The following CLDN10 variants were observed in gnomAD, a reference collection of about 807,000 sequenced individuals.
CLDN10 encodes claudin 10, also known as claudin-10.
Under a neutral mutation model 22.9 loss-of-function variants are expected in CLDN10, and 15 were observed. The ratio of observed to expected loss-of-function variants is 0.65; its 90% CI spans 0.44 to 1.01. The LOEUF (loss-of-function observed/expected upper bound fraction) is 1.01. CLDN10 is among the 50% of genes least tolerant of loss of function. CLDN10 has a pLI of 0.00. For missense variants in CLDN10, 247 were observed against 287.8 expected (o/e 0.86, Z 1.03); for synonymous variants, 114 against 111.4 (o/e 1.02, Z -0.15).
rs1312396470 is a variant in CLDN10 at position 95,578,378 on chromosome 13, A to AT, written c.*365dup. 1.3e-5 allele frequency: 2 copies of AT among 159,330 alleles called. No homozygotes were observed. Among genetic ancestry groups the AT allele is most frequent in the African/African-American group, 4.8e-5 (2 of 41,574 alleles). 9.9% of individuals were successfully genotyped at this position (159,330 alleles called of 1,614,324 possible). On this transcript the variant is annotated 3_prime_UTR_variant, in exon 5 of 5. Coordinates refer to ENST00000299339, the MANE Select transcript of CLDN10 (RefSeq NM_006984.5). ...CCACTCCTTATGTTTCTTTTCATTC[A>AT]TAAACAGGTGTATAAGGAACAATGT... is the stretch of plus-strand genomic sequence containing the variant.
intron 1 of CLDN10, among the ~76,000 whole-genome samples, chr13:95,448,557 G>A (rs2042403160): frequency 6.6e-6 from 1 of 152,052 alleles, no homozygotes; most frequent in Non-Finnish European, 1.5e-5. Flanking sequence ...GAAAGAGCTG[G>A]GGATGGCTGC....
At chr13:95,497,043 G>A (rs543681044) in intron 1 of CLDN10, 2 of 151,996 alleles carry the variant, frequency 1.3e-5, no homozygotes, top group South Asian at 4.2e-4. Context: ...TGGAAAACGA[G>A]GATAATAGTA....
intron 3 of CLDN10, among the ~76,000 whole-genome samples, chr13:95,574,723 T>C (rs1250366672): frequency 3.9e-5 from 6 of 152,034 alleles, no homozygotes; most frequent in Non-Finnish European, 7.4e-5. Flanking sequence ...TGAGCTAAGA[T>C]TGCACCACTG....
chr13:95,481,023 G>C (rs1312220749), intron 1 of CLDN10, among the ~76,000 whole-genome samples: 1 of 152,130 alleles, frequency 6.6e-6, no homozygotes, highest in Non-Finnish European at 1.5e-5. Flanking sequence ...TCTTGAGCAA[G>C]AGGACACACC....
At chr13:95,570,577 G>A (rs944198264) in intron 3 of CLDN10, among the ~76,000 whole-genome samples, 4 of 152,084 alleles carry the variant, frequency 2.6e-5, no homozygotes, top group African/African-American at 9.7e-5. Context: ...GTGGTGGAGA[G>A]GAGAAGGGTG....
chr13:95,523,168 T>C (rs989054166), intron 1 of CLDN10, among the ~76,000 whole-genome samples: 2 of 152,096 alleles, frequency 1.3e-5, no homozygotes, highest in African/African-American at 4.8e-5. Flanking sequence ...TGCTTATTAT[T>C]CTATCTTTTT....
chr13:95,504,825 A>G (rs1046410834), intron 1 of CLDN10, among the ~76,000 whole-genome samples: 1 of 152,234 alleles, frequency 6.6e-6, no homozygotes, highest in African/African-American at 2.4e-5. Flanking sequence ...GGCATAAGCC[A>G]TCACACTGGC....
At chr13:95,471,283 A>G (rs2042628451) in intron 1 of CLDN10, among the ~76,000 whole-genome samples, 1 of 151,820 alleles carries the variant, frequency 6.6e-6, no homozygotes. Flanking sequence ...CAGGAGTTAG[A>G]CCACCAGTGG....
chr13:95,529,051 G>A (rs997928079), intron 1 of CLDN10, among the ~76,000 whole-genome samples: 1 of 151,932 alleles, frequency 6.6e-6, no homozygotes, highest in Non-Finnish European at 1.5e-5. Context: ...TGTTGTTGTT[G>A]TTGTTTTTAA....
intron 1 of CLDN10, among the ~76,000 whole-genome samples, chr13:95,466,155 C>A (rs539882060): frequency 1.3e-5 from 2 of 151,752 alleles, no homozygotes; most frequent in East Asian, 1.9e-4. Flanking sequence ...CCATTTGAAC[C>A]ATTTTCAAGT....
intron 3 of CLDN10, among the ~76,000 whole-genome samples, chr13:95,568,508 C>T (rs2043813333): frequency 6.6e-6 from 1 of 152,162 alleles, no homozygotes; most frequent in Non-Finnish European, 1.5e-5. Flanking sequence ...TTGCTCCTCT[C>T]CTTTTCACAT....
intron 3 of CLDN10, among the ~76,000 whole-genome samples, chr13:95,575,267 A>C (rs2043909096): frequency 6.6e-6 from 1 of 152,242 alleles, no homozygotes; most frequent in Non-Finnish European, 1.5e-5. Flanking sequence ...AATGTACTTC[A>C]TGCAGAATTT....
chr13:95,549,799 G>T (rs2043545677), upstream of CLDN10, among the ~76,000 whole-genome samples: 1 of 152,190 alleles, frequency 6.6e-6, no homozygotes, highest in Admixed American at 6.5e-5. Context: ...GTCTGTTTTA[G>T]CTGCCAAAGG....
upstream of CLDN10, among the ~76,000 whole-genome samples, chr13:95,551,165 C>T (rs1477436003): frequency 6.6e-6 from 1 of 152,170 alleles, no homozygotes; most frequent in African/African-American, 2.4e-5. Flanking sequence ...CGCTGCACGG[C>T]TGCAACAAGA....
At chr13:95,508,284 C>T (rs2043059007) in intron 1 of CLDN10, among the ~76,000 whole-genome samples, 1 of 152,134 alleles carries the variant, frequency 6.6e-6, no homozygotes, top group African/African-American at 2.4e-5. Flanking sequence ...GTCCAGCAGC[C>T]TCTTCCTGAC....
rs376861377 is a variant in CLDN10, at chr13:95,560,303, A to G, written c.382+10A>G. 3.1e-6 allele frequency: 5 copies of G among 1,613,820 alleles called. No individual in the cohort carries two copies. The highest frequency in any genetic ancestry group is 1.3e-5 in the African/African-American group (1 of 74,924). On this transcript the variant is annotated intron_variant, in intron 2 of 4. Transcript: ENST00000299339. Reference sequence around the variant, plus strand: ...GTATTCATACTGTCAGGTAAATAGTAACTTTCTTCCAAACAAGGTACTTGA... The same window carrying G: ...GTATTCATACTGTCAGGTAAATAGTGACTTTCTTCCAAACAAGGTACTTGA...
chr13:95,505,403 C>A (rs1352476424), intron 1 of CLDN10, among the ~76,000 whole-genome samples: 1 of 152,200 alleles, frequency 6.6e-6, no homozygotes, highest in African/African-American at 2.4e-5. Context: ...TTACAATGGG[C>A]ACATGGGGAC....
At chr13:95,569,510 G>C (rs923650443) in intron 3 of CLDN10, among the ~76,000 whole-genome samples, 4 of 152,082 alleles carry the variant, frequency 2.6e-5, no homozygotes, top group Admixed American at 2.6e-4. Flanking sequence ...CTTGAACCTG[G>C]GGGGTGGAGG....
chr13:95,524,459 A>G (rs896953060), intron 1 of CLDN10, among the ~76,000 whole-genome samples: 1 of 152,224 alleles, frequency 6.6e-6, no homozygotes, highest in Non-Finnish European at 1.5e-5. Context: ...TAATGCTTTC[A>G]AAAGTCATTC....
Sources: gnomAD v4.1 joint callset for allele counts (sites outside exome capture counted in the v4.1 genomes callset) on GRCh38, gnomAD v4.1.1 for gene constraint, MANE v1.5 for transcripts, NCBI Gene and HGNC (gene_info 2026-07-23, HGNC 2026-07-21) for gene names.